DRG1: variants seen among roughly 807,000 people sequenced by gnomAD.
DRG1 encodes developmentally regulated GTP binding protein 1.
Under a neutral mutation model 38.8 loss-of-function variants are expected in DRG1, and 19 were observed. The observed-to-expected ratio is 0.49, with a 90% CI of 0.34 to 0.72. The LOEUF (loss-of-function observed/expected upper bound fraction) is 0.72. DRG1 is among the 30% of genes least tolerant of loss of function. DRG1 has a pLI of 0.01. For missense variants in DRG1, 299 were observed against 444.8 expected, an observed-to-expected ratio of 0.67 and a Z score of 2.95; for synonymous variants, 167 against 157.5, an observed-to-expected ratio of 1.06 and a Z score of -0.45.
chr22:31,405,680 T>G (rs695304), intron 3 of DRG1, among the ~76,000 whole-genome samples: 118,701 of 150,262 alleles, frequency 0.79, 47,533 homozygotes, highest in Non-Finnish European at 0.87. Context: ...TGTGTGTGTG[T>G]GGGGGGGTTT....
chr22:31,402,881 G>C, intron 2 of DRG1, 148 bp from the exon 3 acceptor site: 1 of 820,284 alleles, frequency 1.2e-6, no homozygotes, highest in Non-Finnish European at 1.9e-6. Context: ...CAAGTTTTGT[G>C]TGCTTTAGTT....
intron 4 of DRG1, among the ~76,000 whole-genome samples, chr22:31,413,109 TATAAAG>T (rs1219912781): frequency 1.3e-5 from 2 of 152,136 alleles, no homozygotes; most frequent in Non-Finnish European, 2.9e-5. Flanking sequence ...TTTCTTTTTT[TATAAAG>T]ATAGAGTCTC....
chr22:31,430,431 G>A (rs976375789), intron 8 of DRG1, among the ~76,000 whole-genome samples: 14 of 147,950 alleles, frequency 9.5e-5, no homozygotes, highest in Non-Finnish European at 1.5e-4. Context: ...ATGGAGTCTC[G>A]CTCTGTCGCC....
At chr22:31,400,853 C>T in intron 2 of DRG1, 110 bp downstream of exon 2, 1 of 1,286,624 alleles carries the variant, frequency 7.8e-7, no homozygotes, top group Non-Finnish European at 1.0e-6. Flanking sequence ...GGCTCAACGC[C>T]TGCAATCCTA....
intron 3 of DRG1, among the ~76,000 whole-genome samples, chr22:31,404,469 T>A (rs1331101577): frequency 2.6e-5 from 4 of 152,052 alleles, no homozygotes; most frequent in Admixed American, 6.6e-5. Context: ...CTCGAACTCC[T>A]GACCTCATGA....
At chr22:31,432,806 G>A (rs374976852) in intron 8 of DRG1, among the ~76,000 whole-genome samples, 1 of 152,082 alleles carries the variant, frequency 6.6e-6, no homozygotes, top group African/African-American at 2.4e-5. Context: ...TGATCCGCCC[G>A]CCTCAGCCTC....
intron 6 of DRG1, among the ~76,000 whole-genome samples, 172 bp downstream of exon 6, chr22:31,423,582 A>C (rs765718639): frequency 5.0e-5 from 7 of 139,322 alleles, no homozygotes; most frequent in Non-Finnish European, 7.5e-5. Flanking sequence ...GCTAGAGTGC[A>C]GTGGCGTGAT....
chr22:31,425,871 T>C (rs2050107317), intron 6 of DRG1, among the ~76,000 whole-genome samples: 2 of 152,194 alleles, frequency 1.3e-5, no homozygotes, highest in South Asian at 4.1e-4. Flanking sequence ...TACTCCTCAT[T>C]TGAAAACAAA....
At chr22:31,421,517 A>G (rs1327503159) in intron 5 of DRG1, 1 of 152,072 alleles carries the variant, frequency 6.6e-6, no homozygotes, top group African/African-American at 2.4e-5. Flanking sequence ...GGAGAAGATC[A>G]GGATGTTAAA....
At chr22:31,431,770 A>G (rs1362790108) in intron 8 of DRG1, among the ~76,000 whole-genome samples, 1 of 152,192 alleles carries the variant, frequency 6.6e-6, no homozygotes, top group African/African-American at 2.4e-5. Flanking sequence ...TAAAACAACT[A>G]TATTCCACAT....
rs1017909115 is a variant in DRG1 at position 31,423,445 on chromosome 22, A to G, written c.713+35A>G. 8.7e-6 allele frequency: 14 copies of G among 1,611,400 alleles called. 1 individual carries two copies. The Admixed American group carries it at 1.8e-4, about 21-fold the overall frequency. ...GAGTGTGCAGTCTGTGCCTGACTGA[A>G]TTGGAAGCCTTGTGATGGAAACAGT... On this transcript the variant is annotated intron_variant, in intron 6 of 8. Transcript: ENST00000331457.
intron 2 of DRG1, 58 bp from the exon 3 acceptor site, chr22:31,402,970 AT>A: frequency 6.5e-7 from 1 of 1,528,372 alleles, no homozygotes; most frequent in Non-Finnish European, 8.8e-7. Context: ...AAGAAGTTAT[AT>A]GAGTCTTAAC....
intron 4 of DRG1, among the ~76,000 whole-genome samples, chr22:31,415,004 C>T (rs924926646): frequency 2.0e-5 from 3 of 152,030 alleles, no homozygotes; most frequent in Non-Finnish European, 2.9e-5. Flanking sequence ...TCGAAAACCC[C>T]GGGCTCGAGA....
chr22:31,429,794 C>T (rs1168380965), intron 8 of DRG1, among the ~76,000 whole-genome samples: 5 of 151,934 alleles, frequency 3.3e-5, no homozygotes, highest in Non-Finnish European at 5.9e-5. Flanking sequence ...TCCAAGTGTG[C>T]GCCACCATGC....
chr22:31,426,102 C>T (rs183462847), intron 6 of DRG1, among the ~76,000 whole-genome samples: 5 of 152,182 alleles, frequency 3.3e-5, no homozygotes, highest in Admixed American at 3.3e-4. Context: ...TTTAAAACAG[C>T]CTTGTAGGAA....
chr22:31,423,227 C>G, intron 5 of DRG1, 53 bp from the exon 6 acceptor site: 2 of 1,604,526 alleles, frequency 1.2e-6, no homozygotes, highest in Non-Finnish European at 1.7e-6. Context: ...GTACACTTGA[C>G]AAGTATTTTT....
chr22:31,433,272 A>ATTTTTTTTTT (rs695603), intron 8 of DRG1, among the ~76,000 whole-genome samples: 48 of 132,624 alleles, frequency 3.6e-4, no homozygotes, highest in African/African-American at 5.3e-4. Context: ...TTAAAGACGG[A>ATTTTTTTTTT]TTTTTTTTTT....
At chr22:31,424,488 C>CTTTGTTTT (rs2050096327) in intron 6 of DRG1, among the ~76,000 whole-genome samples, 1 of 71,396 alleles carries the variant, frequency 1.4e-5, no homozygotes, top group Non-Finnish European at 2.4e-5. Flanking sequence ...GCTTTGGTTT[C>CTTTGTTTT]TTTTTTTTTT....
intron 4 of DRG1, among the ~76,000 whole-genome samples, chr22:31,414,811 G>T (rs1378993595): frequency 4.8e-5 from 7 of 145,470 alleles, no homozygotes; most frequent in African/African-American, 1.5e-4. Flanking sequence ...ATAGGATCTT[G>T]CTCTCTTGCC....
Sources: allele counts gnomAD v4.1 joint callset (sites outside exome capture counted in the v4.1 genomes callset), GRCh38; gene constraint gnomAD v4.1.1; transcripts MANE v1.5; gene names NCBI Gene and HGNC (gene_info 2026-07-23, HGNC 2026-07-21).